Variants in STYXL1 observed in about 807,000 individuals in gnomAD.
STYXL1 encodes serine/threonine/tyrosine-interacting-like protein 1.
Under a neutral mutation model 36.4 loss-of-function variants are expected in STYXL1, and 32 were observed. That is an observed-to-expected ratio of 0.88 (90% confidence interval 0.66 to 1.18). The LOEUF (loss-of-function observed/expected upper bound fraction) is 1.18, where lower values mean the gene tolerates loss of function less well. STYXL1 is among the 50% of genes most tolerant of loss of function. The probability of loss-of-function intolerance (pLI) is 0.00; values close to 1 mark genes in which losing one functional copy is unlikely to be tolerated. For synonymous variants in STYXL1, 133 were observed against 144.1 expected, an observed-to-expected ratio of 0.92 and a Z score of 0.55; for missense variants, 354 against 394.1, an observed-to-expected ratio of 0.90 and a Z score of 0.86.
At chr7:76,037,203 A>G (rs781903447) in intron 1 of STYXL1, among the ~76,000 whole-genome samples, 4 of 150,320 alleles carry the variant, frequency 2.7e-5, no homozygotes, top group Admixed American at 2.0e-4. Context: ...TCGGCCTCCC[A>G]AAGTGCTGGG....
At chr7:76,038,751 G>A (rs1182147197) in intron 1 of STYXL1, among the ~76,000 whole-genome samples, 1 of 148,820 alleles carries the variant, frequency 6.7e-6, no homozygotes, top group Admixed American at 6.6e-5. Context: ...CTCAAGGCGA[G>A]CTAACTAACT....
intron 1 of STYXL1, among the ~76,000 whole-genome samples, chr7:76,038,692 C>G (rs1463052092): frequency 5.3e-5 from 8 of 151,492 alleles, no homozygotes; most frequent in African/African-American, 2.0e-4. Flanking sequence ...TCCCAAAGTG[C>G]TGGGATTACA....
chr7:75,999,222 T>C (rs961649802), intron 8 of STYXL1: 13 of 154,184 alleles, frequency 8.4e-5, no homozygotes, highest in South Asian at 8.1e-4. Context: ...CCAGCCTAGA[T>C]GGGTTTATTG....
At chr7:76,001,978 C>T (rs1791004225) in intron 7 of STYXL1, among the ~76,000 whole-genome samples, 2 of 150,410 alleles carry the variant, frequency 1.3e-5, no homozygotes, top group Admixed American at 1.3e-4. Flanking sequence ...GGGTCTTGCT[C>T]TGTTGCCCAG....
At chr7:76,046,635 C>A (rs1291688096) in intron 1 of STYXL1, among the ~76,000 whole-genome samples, 2 of 132,152 alleles carry the variant, frequency 1.5e-5, no homozygotes, top group Non-Finnish European at 3.2e-5. Flanking sequence ...GCATAAGCCA[C>A]CACACCCGGC....
At position 76,001,657 on chromosome 7, in the gene STYXL1, CT is replaced by C. The variant is rs561322033; in HGVS notation, c.698-656del. Among the ~76,000 whole-genome samples, 1,225 of 152,182 alleles carry C rather than the reference CT, an allele frequency of 8.0e-3. 13 individuals carry two copies. The highest frequency in any genetic ancestry group is 0.028 in the African/African-American group (1,152 of 41,534). On this transcript the variant is annotated intron_variant, in intron 7 of 8. Coordinates refer to ENST00000359697, the MANE Select transcript of STYXL1 (RefSeq NM_001317785.2). ...TACAAGCACCTGCCACCACGCCCAG[CT>C]AATTTTTTGTATTTTTAATAGAGAT...
chr7:76,028,713 A>G lies in STYXL1; in HGVS notation c.104-10T>C, dbSNP rs1795005636. On this transcript the variant is annotated splice_polypyrimidine_tract_variant and intron_variant, in intron 2 of 8. Transcript: ENST00000359697. ...CATTTGGAACGGACATCTGGAAAGG[A>G]AACGTATTTAAGAACTGAATTTGCA... The G allele has an allele frequency of 1.2e-6, 2 of 1,613,862 alleles. No individual in the cohort carries two copies. Among genetic ancestry groups the G allele is most frequent in the South Asian group, 2.2e-5 (2 of 91,046 alleles).
chr7:76,041,772 G>A (rs1407291760), intron 1 of STYXL1, among the ~76,000 whole-genome samples: 1 of 152,168 alleles, frequency 6.6e-6, no homozygotes, highest in Non-Finnish European at 1.5e-5. Flanking sequence ...GGCTGTCAAT[G>A]TATTTGTATA....
chr7:75,997,809 T>C (rs1479315386), intron 8 of STYXL1, among the ~76,000 whole-genome samples: 2 of 152,166 alleles, frequency 1.3e-5, no homozygotes, highest in African/African-American at 4.8e-5. Context: ...TGCATGTCTA[T>C]ATACTAAACA....
At chr7:76,046,277 TG>T (rs1796961137) in intron 1 of STYXL1, among the ~76,000 whole-genome samples, 30 of 17,994 alleles carry the variant, frequency 1.7e-3, no homozygotes, top group African/African-American at 2.0e-3. Flanking sequence ...TTATCTGCTG[TG>T]TGTGTGTGTG....
chr7:76,021,782 G>T, intron 4 of STYXL1, 69 bp downstream of exon 4: 3 of 1,175,332 alleles, frequency 2.6e-6, no homozygotes, highest in Non-Finnish European at 2.5e-6. Flanking sequence ...ATATGAACCT[G>T]TTGGTCCTAT....
intron 1 of STYXL1, chr7:76,044,117 AT>A (rs1340519813): frequency 6.6e-6 from 1 of 152,160 alleles, no homozygotes; most frequent in Non-Finnish European, 1.5e-5. Flanking sequence ...TTACCTTGGT[AT>A]TTCCTTAGAG....
At chr7:76,031,504 C>G (rs1405281363) in intron 1 of STYXL1, among the ~76,000 whole-genome samples, 3 of 151,888 alleles carry the variant, frequency 2.0e-5, no homozygotes, top group Admixed American at 6.6e-5. Context: ...CACCTGAGGT[C>G]AGGAGTTTGA....
Position 76,047,969 on chromosome 7 carries a change from T to C in STYXL1, c.-312A>G, listed in dbSNP as rs1554584309. 6.8e-7 allele frequency: 1 copy of C among 1,474,918 alleles called. No individual in the cohort carries two copies. Among genetic ancestry groups the C allele is most frequent in the Non-Finnish European group, 9.0e-7 (1 of 1,113,616 alleles). 91.4% of individuals were successfully genotyped at this position (1,474,918 alleles called of 1,614,324 possible). ...CCAAACACCGGGGTTGCCAGGATGG[T>C]CCCACAGCTTTCCTTTCCGACTCCC... On this transcript the variant is annotated 5_prime_UTR_variant, in exon 1 of 9. Coordinates refer to ENST00000359697, the MANE Select transcript of STYXL1 (RefSeq NM_001317785.2).
chr7:76,003,988 C>CT, intron 6 of STYXL1, 133 bp from the exon 7 acceptor site: 3 of 713,640 alleles, frequency 4.2e-6, no homozygotes, highest in Non-Finnish European at 7.0e-6. Context: ...GCACAGGTAA[C>CT]TCAACCTCTC....
At chr7:76,038,949 A>ATTTT (rs35639363) in intron 1 of STYXL1, among the ~76,000 whole-genome samples, 3 of 127,792 alleles carry the variant, frequency 2.3e-5, no homozygotes, top group South Asian at 2.4e-4. Context: ...ATCATGCCTA[A>ATTTT]TTTTTTTTTT....
chr7:76,032,168 G>C (rs1451671622), intron 1 of STYXL1, among the ~76,000 whole-genome samples: 1 of 151,912 alleles, frequency 6.6e-6, no homozygotes, highest in Non-Finnish European at 1.5e-5. Context: ...AAGGTAGGGG[G>C]GATTGCTTGA....
At chr7:75,999,556 T>TGTGTGTGTGTGTG (rs56000336) in intron 8 of STYXL1, among the ~76,000 whole-genome samples, 4 of 145,930 alleles carry the variant, frequency 2.7e-5, no homozygotes, top group South Asian at 2.2e-4. Context: ...TGTGTGTATA[T>TGTGTGTGTGTGTG]TTTTTTTTGA....
rs781810791 is a variant in STYXL1 at position 76,001,090 on chromosome 7, G to A, written c.698-88C>T. On this transcript the variant is annotated intron_variant, in intron 7 of 8. Transcript: ENST00000359697. Reference sequence around the variant, plus strand: ...GTCAGACACTGGCCTCCATGGGCCCGTGGTCCAAGCATGAGTTCAAAACCA... The same window carrying A: ...GTCAGACACTGGCCTCCATGGGCCCATGGTCCAAGCATGAGTTCAAAACCA... The A allele has an allele frequency of 4.6e-4, 468 of 1,009,782 alleles. 1 individual carries two copies. The highest frequency in any genetic ancestry group is 6.7e-4 in the Non-Finnish European group (428 of 635,666). The allele number at this position is 1,009,782 out of a possible 1,614,324, so 62.6% of individuals were successfully genotyped here.
Sources: gnomAD v4.1 joint callset for allele counts (sites outside exome capture counted in the v4.1 genomes callset) on GRCh38, gnomAD v4.1.1 for gene constraint, MANE v1.5 for transcripts, NCBI Gene and HGNC (gene_info 2026-07-23, HGNC 2026-07-21) for gene names.